The following TMEM248 variants were observed in gnomAD, a reference collection of about 807,000 sequenced individuals.
TMEM248 encodes UPF0458 protein C7orf42.
A neutral mutation model predicts 30.3 loss-of-function variants in TMEM248; 9 were observed. The ratio of observed to expected loss-of-function variants is 0.30; its 90% confidence interval spans 0.18 to 0.52. The LOEUF (loss-of-function observed/expected upper bound fraction) is 0.52. TMEM248 is among the 20% of genes least tolerant of loss of function. TMEM248 has a pLI of 0.97. For missense variants in TMEM248, 338 were observed against 403.3 expected, an observed-to-expected ratio of 0.84 and a Z score of 1.39; for synonymous variants, 184 against 154.4, an observed-to-expected ratio of 1.19 and a Z score of -1.42.
Position 66,945,370 on chromosome 7 carries a change from C to G in TMEM248, c.445+109C>G, listed in dbSNP as rs1013872566. On this transcript the variant is annotated intron_variant, in intron 3 of 6. Transcript: ENST00000341567. ...TATATTGTACTAGATTGTAGTCTTG[C>G]GCGTGTCTTTTTTTTGTTGAGTTTG... 10 of 1,244,952 alleles carry G rather than the reference C, an allele frequency of 8.0e-6. No individual in the cohort carries two copies. In the African/African-American group the frequency reaches 1.4e-4, roughly 17 times the overall value. The allele number at this position is 1,244,952 out of a possible 1,614,324, so 77.1% of individuals were successfully genotyped here.
At chr7:66,922,739 C>T (rs1157782623) in intron 1 of TMEM248, among the ~76,000 whole-genome samples, 1 of 152,110 alleles carries the variant, frequency 6.6e-6, no homozygotes. Flanking sequence ...GAGTCTCACT[C>T]TTGTCGCCCA....
chr7:66,924,695 A>C (rs1791479019), intron 1 of TMEM248, among the ~76,000 whole-genome samples: 1 of 151,680 alleles, frequency 6.6e-6, no homozygotes. Context: ...ATGAGCCACC[A>C]CACCTGGCCT....
intron 2 of TMEM248, among the ~76,000 whole-genome samples, chr7:66,943,265 C>T (rs1584408997): frequency 6.6e-6 from 1 of 152,156 alleles, no homozygotes; most frequent in Admixed American, 6.6e-5. Context: ...ATTTCTTTCC[C>T]GCAGAGCTTG....
chr7:66,956,557 G>A lies in TMEM248; in HGVS notation c.*1035G>A, dbSNP rs781488519. The A allele has an allele frequency of 1.3e-5, 2 of 152,196 alleles. No individual in the cohort carries two copies. The highest frequency in any genetic ancestry group is 2.4e-5 in the African/African-American group (1 of 41,440). The allele number at this position is 152,196 out of a possible 1,614,324, so 9.4% of individuals were successfully genotyped here. A position where few individuals can be genotyped will look rare whatever the true frequency, so the allele number is the denominator to read the frequency against. ...TTTTCATGCTACTAACATATCTTCA[G>A]AAGGAAATGGCAACTAGTAGATCAG... On this transcript the variant is annotated 3_prime_UTR_variant, in exon 7 of 7. Coordinates refer to ENST00000341567, the MANE Select transcript of TMEM248 (RefSeq NM_017994.5).
intron 1 of TMEM248, among the ~76,000 whole-genome samples, chr7:66,939,424 A>C (rs1158394932): frequency 1.3e-5 from 2 of 152,238 alleles, no homozygotes; most frequent in Non-Finnish European, 2.9e-5. Context: ...GAGATGTCAG[A>C]AAAACAATGT....
In TMEM248 at chr7:66,948,623, T is replaced by G; in HGVS notation, c.525T>G (p.Gly175=). The change falls in exon 4 of 7, where the codon GGT becomes GGG. Residue 175 remains glycine, a synonymous_variant. Coordinates refer to ENST00000341567, the MANE Select transcript of TMEM248 (RefSeq NM_017994.5). Reference sequence around the variant, plus strand: ...GCTCAGATGACTGCGCCCTCCACGGTCACTGTGAGCAGGTGGTATTCACAG... The same window carrying G: ...GCTCAGATGACTGCGCCCTCCACGGGCACTGTGAGCAGGTGGTATTCACAG... ...AWSSDDCALH[G]HCEQVVFTAC... 2 of 1,614,168 alleles carry G rather than the reference T, an allele frequency of 1.2e-6. No homozygotes were observed. Among genetic ancestry groups the G allele is most frequent in the Non-Finnish European group, 1.7e-6 (2 of 1,179,982 alleles).
At chr7:66,922,745 G>C (rs554281859) in intron 1 of TMEM248, among the ~76,000 whole-genome samples, 2 of 152,098 alleles carry the variant, frequency 1.3e-5, no homozygotes, top group South Asian at 4.2e-4. Flanking sequence ...CACTCTTGTC[G>C]CCCAGGCTGG....
intron 1 of TMEM248, among the ~76,000 whole-genome samples, chr7:66,929,581 C>T (rs1248273513): frequency 2.0e-5 from 3 of 151,798 alleles, no homozygotes; most frequent in African/African-American, 7.3e-5. Context: ...GCATTATAGG[C>T]GTGCACCGCC....
chr7:66,932,153 C>G (rs1405259795), intron 1 of TMEM248, among the ~76,000 whole-genome samples: 2 of 152,110 alleles, frequency 1.3e-5, no homozygotes, highest in Non-Finnish European at 2.9e-5. Flanking sequence ...TAGGTTGGTA[C>G]AAAAGTAATC....
chr7:66,952,506 G>A (rs1562945594), intron 5 of TMEM248, among the ~76,000 whole-genome samples: 3 of 152,206 alleles, frequency 2.0e-5, no homozygotes, highest in Non-Finnish European at 4.4e-5. Context: ...GGGCGTGGGT[G>A]TTGGTAAAGC....
Position 66,951,131 on chromosome 7 carries a change from C to T in TMEM248, c.776C>T (p.Pro259Leu). ...AATCCCAAGCTTACAGTGATTGTTC[C>T]AGATGTAAGTGAGAAAAATTGTGTG... ...ALNPKLTVIV[P>L]DDDRSLINLH... The change falls in exon 5 of 7, where the codon CCA becomes CTA. Residue 259 changes from proline to leucine, a missense_variant. By Grantham distance (98) the Pro-to-Leu change is moderately conservative (BLOSUM62 -3). Transcript: ENST00000341567. 4 of 1,576,070 alleles carry T rather than the reference C, an allele frequency of 2.5e-6. No individual in the cohort carries two copies. Among genetic ancestry groups the T allele is most frequent in the Non-Finnish European group, 3.4e-6 (4 of 1,161,416 alleles).
At chr7:66,944,935 G>A (rs1223334868) in intron 2 of TMEM248, 41 bp from the exon 3 acceptor site, 3 of 1,604,632 alleles carry the variant, frequency 1.9e-6, no homozygotes, top group Admixed American at 1.7e-5. Flanking sequence ...GGAGACAGGC[G>A]CTGCTTAACA....
intron 5 of TMEM248, 38 bp downstream of exon 5, chr7:66,951,173 T>G (rs527331782): frequency 1.3e-6 from 2 of 1,531,408 alleles, no homozygotes; most frequent in South Asian, 1.3e-5. Context: ...TGTGCGTGCA[T>G]GCATATGCAC....
chr7:66,936,538 G>C (rs527629292), intron 1 of TMEM248, among the ~76,000 whole-genome samples: 76 of 151,966 alleles, frequency 5.0e-4, no homozygotes, highest in Admixed American at 1.1e-3. Flanking sequence ...ATGTATCTTT[G>C]GTTTTGGTAT....
intron 1 of TMEM248, among the ~76,000 whole-genome samples, chr7:66,939,533 A>T (rs1298044314): frequency 6.6e-6 from 1 of 152,222 alleles, no homozygotes; most frequent in Non-Finnish European, 1.5e-5. Flanking sequence ...CAGACTTTTT[A>T]AAAAATTGCT....
At chr7:66,953,745 C>T (rs1046076385) in intron 6 of TMEM248, among the ~76,000 whole-genome samples, 1 of 151,742 alleles carries the variant, frequency 6.6e-6, no homozygotes. Context: ...GCTGGGATTA[C>T]AGTCGCAAGC....
rs766030363 is a variant in TMEM248 at position 66,945,211 on chromosome 7, A to G, written c.395A>G (p.Asn132Ser). 2.5e-6 allele frequency: 4 copies of G among 1,614,072 alleles called. No individual in the cohort carries two copies. The highest frequency in any genetic ancestry group is 1.6e-4 in the Middle Eastern group (1 of 6,084). The change falls in exon 3 of 7, where the codon AAC becomes AGC. Residue 132 changes from asparagine to serine, a missense_variant. Coordinates refer to ENST00000341567, the MANE Select transcript of TMEM248 (RefSeq NM_017994.5). ...PLKPFGGYSRNVTHLYSTILG... is the reference protein window; with the variant it reads ...PLKPFGGYSRSVTHLYSTILG... ...AAACCCTTCGGAGGGTATTCCCGCAACGTCACCCATCTGTACTCAACCATC... is the reference window on the plus strand; with the variant it reads ...AAACCCTTCGGAGGGTATTCCCGCAGCGTCACCCATCTGTACTCAACCATC...
chr7:66,930,931 G>A (rs1791646987), intron 1 of TMEM248: 1 of 152,618 alleles, frequency 6.6e-6, no homozygotes, highest in Admixed American at 6.6e-5. Context: ...GGCGTAGAGA[G>A]CAGGCTTGCT....
intron 4 of TMEM248, among the ~76,000 whole-genome samples, chr7:66,949,504 T>G (rs751950793): frequency 1.1e-4 from 16 of 152,164 alleles, no homozygotes; most frequent in Admixed American, 5.9e-4. Flanking sequence ...AGATAAAGGT[T>G]TTGTTCATCT....
Sources: gnomAD v4.1 joint callset for allele counts (sites outside exome capture counted in the v4.1 genomes callset) on GRCh38, gnomAD v4.1.1 for gene constraint, MANE v1.5 for transcripts, NCBI Gene and HGNC (gene_info 2026-07-23, HGNC 2026-07-21) for gene names.